ANKFY1: variants seen among roughly 807,000 people sequenced by gnomAD.
ANKFY1 encodes ankyrin repeat and FYVE domain-containing protein 1.
In ANKFY1, 47 loss-of-function variants were observed where a neutral mutation model predicts 128.3. That is an observed-to-expected ratio of 0.37 (90% CI 0.29 to 0.47). The LOEUF is 0.47. Among genes scored for constraint, ANKFY1 ranks in the 20% least tolerant of loss-of-function variants. ANKFY1 has a pLI of 1.00. For missense variants in ANKFY1, 1,222 were observed against 1,510.6 expected, an observed-to-expected ratio of 0.81 and a Z score of 3.17; for synonymous variants, 553 against 601.6, an observed-to-expected ratio of 0.92 and a Z score of 1.18.
At chr17:4,211,594 G>A (rs1318693208) in intron 4 of ANKFY1, among the ~76,000 whole-genome samples, 1 of 152,066 alleles carries the variant, frequency 6.6e-6, no homozygotes, top group African/African-American at 2.4e-5. Context: ...ACGGCCAGGT[G>A]CAAAGGCTCA....
intron 1 of ANKFY1, among the ~76,000 whole-genome samples, chr17:4,242,723 G>C (rs1464108063): frequency 6.6e-6 from 1 of 152,034 alleles, no homozygotes; most frequent in Admixed American, 6.6e-5. Context: ...CTGTCTCCAC[G>C]TTTTTAAATA....
At chr17:4,194,398 C>A (rs1288431292) in intron 10 of ANKFY1, 7 of 151,824 alleles carry the variant, frequency 4.6e-5, no homozygotes, top group African/African-American at 1.7e-4. Flanking sequence ...TGTGAGCCAC[C>A]ACGCCTGGCC....
rs1358369895 is a variant in ANKFY1 at position 4,174,042 on chromosome 17, G to T, written c.2790C>A (p.Ala930=). The T allele has an allele frequency of 6.2e-7, 1 of 1,614,106 alleles. No individual in the cohort carries two copies. The highest frequency in any genetic ancestry group is 1.1e-5 in the South Asian group (1 of 91,080). ...GATGCTTGGTTAATTCGTTCACTTTGGCTCCCGCAAGAAGCTGTTGAAGTT... is the reference window on the plus strand; with the variant it reads ...GATGCTTGGTTAATTCGTTCACTTTTGCTCCCGCAAGAAGCTGTTGAAGTT... ...IIVRNLLLAG[A]KVNELTKHRQ... Residue 930 remains alanine (A), a synonymous_variant, in exon 20 of 25, where the codon GCC becomes GCA. Transcript: ENST00000341657.
At chr17:4,221,325 C>A (rs2060307720) in intron 3 of ANKFY1, among the ~76,000 whole-genome samples, 1 of 152,152 alleles carries the variant, frequency 6.6e-6, no homozygotes, top group Non-Finnish European at 1.5e-5. Flanking sequence ...AATTCTCCCA[C>A]CTGAGCCTGC....
chr17:4,172,727 TCA>T, intron 21 of ANKFY1, 47 bp from the exon 22 acceptor site: 1 of 1,604,412 alleles, frequency 6.2e-7, no homozygotes, highest in Non-Finnish European at 8.5e-7. Flanking sequence ...GCCATGGCCA[TCA>T]CACACAAAAT....
chr17:4,247,432 T>C (rs1189142232), intron 1 of ANKFY1, among the ~76,000 whole-genome samples: 1 of 152,184 alleles, frequency 6.6e-6, no homozygotes, highest in East Asian at 1.9e-4. Context: ...GGCTTTAGCA[T>C]GATTTGGGGC....
At chr17:4,216,822 C>T (rs779088014) in intron 4 of ANKFY1, 161 bp downstream of exon 4, 39 of 983,198 alleles carry the variant, frequency 4.0e-5, no homozygotes, top group Admixed American at 6.1e-5. Context: ...TACAAGATAA[C>T]ACAAAGCAAG....
chr17:4,212,866 G>C, intron 4 of ANKFY1, among the ~76,000 whole-genome samples: 1 of 151,522 alleles, frequency 6.6e-6, no homozygotes, highest in Non-Finnish European at 1.5e-5. Context: ...CGCCTCCCAG[G>C]TTCAAGCGAT....
intron 1 of ANKFY1, among the ~76,000 whole-genome samples, chr17:4,254,242 T>C (rs556315378): frequency 1.5e-5 from 2 of 137,720 alleles, no homozygotes; most frequent in African/African-American, 5.6e-5. Flanking sequence ...AGGCGGAGGT[T>C]GCAATGAGCC....
chr17:4,175,947 C>T (rs1474656690), intron 19 of ANKFY1, among the ~76,000 whole-genome samples: 9 of 152,176 alleles, frequency 5.9e-5, no homozygotes, highest in Non-Finnish European at 1.2e-4. Flanking sequence ...CCCAGGAAGG[C>T]GGGGTCCTTG....
chr17:4,259,950 G>A (rs754076916), intron 1 of ANKFY1, among the ~76,000 whole-genome samples: 2 of 152,198 alleles, frequency 1.3e-5, no homozygotes, highest in Non-Finnish European at 2.9e-5. Context: ...GCGGAGGACT[G>A]TTCCAGGCCA....
chr17:4,191,597 G>C (rs572491163), intron 10 of ANKFY1, among the ~76,000 whole-genome samples: 1 of 149,548 alleles, frequency 6.7e-6, no homozygotes, highest in East Asian at 2.0e-4. Context: ...CCTAGTTGAT[G>C]GTTACTCTAA....
At chr17:4,251,257 A>C (rs1381543073) in intron 1 of ANKFY1, among the ~76,000 whole-genome samples, 1 of 152,178 alleles carries the variant, frequency 6.6e-6, no homozygotes, top group Non-Finnish European at 1.5e-5. Flanking sequence ...TATAAAAACT[A>C]ACTCAAAATC....
chr17:4,253,072 T>C (rs897605630), intron 1 of ANKFY1, among the ~76,000 whole-genome samples: 1 of 152,010 alleles, frequency 6.6e-6, no homozygotes, highest in African/African-American at 2.4e-5. Context: ...ATACAAAAAT[T>C]AGCCGGACCA....
At position 4,189,420 on chromosome 17, in the gene ANKFY1, C is replaced by T; in HGVS notation, c.1432G>A (p.Ala478Thr). 1 of 1,593,234 alleles carries T rather than the reference C, an allele frequency of 6.3e-7. No individual in the cohort carries two copies. ...TGGTTGACATGGGCACCGTTGGTTGCCAGGAAAAGAGCTGCTGCCTCGTTT... is the reference window on the plus strand; with the variant it reads ...TGGTTGACATGGGCACCGTTGGTTGTCAGGAAAAGAGCTGCTGCCTCGTTT... ...AGNEAAALFL[A>T]TNGAHVNHRN... is the part of the protein sequence containing the mutation. Residue 478 changes from alanine (A) to threonine (T), a missense_variant, in exon 11 of 25, where the codon GCA becomes ACA. Physicochemically the swap from Ala to Thr is moderately conservative, Grantham distance 58. Transcript: ENST00000341657.
chr17:4,240,811 T>C (rs1314686651), intron 2 of ANKFY1, among the ~76,000 whole-genome samples: 2 of 152,218 alleles, frequency 1.3e-5, no homozygotes, highest in South Asian at 2.1e-4. Context: ...TAATGCAATC[T>C]ACCCTGCTTT....
intron 3 of ANKFY1, among the ~76,000 whole-genome samples, chr17:4,230,433 T>C (rs2060495248): frequency 6.6e-6 from 1 of 152,178 alleles, no homozygotes; most frequent in Non-Finnish European, 1.5e-5. Flanking sequence ...GAACCTCTCA[T>C]CGTGTCAGCT....
At chr17:4,245,760 A>C (rs1191256127) in intron 1 of ANKFY1, among the ~76,000 whole-genome samples, 1 of 146,932 alleles carries the variant, frequency 6.8e-6, no homozygotes, top group African/African-American at 2.5e-5. Flanking sequence ...AAAAAAAAAA[A>C]ACAACCAGCC....
intron 2 of ANKFY1, among the ~76,000 whole-genome samples, chr17:4,241,669 T>C (rs959724502): frequency 2.0e-5 from 3 of 152,106 alleles, no homozygotes; most frequent in Non-Finnish European, 4.4e-5. Flanking sequence ...GCTTTGATCA[T>C]CTCAAGAGAA....
Sources: gnomAD v4.1 joint callset for allele counts (sites outside exome capture counted in the v4.1 genomes callset) on GRCh38, gnomAD v4.1.1 for gene constraint, MANE v1.5 for transcripts, NCBI Gene and HGNC (gene_info 2026-07-23, HGNC 2026-07-21) for gene names.